The following DNER variants were observed in gnomAD, a reference collection of about 807,000 sequenced individuals.
The protein encoded by DNER is delta/notch like EGF repeat containing.
In DNER, 33 loss-of-function variants were observed where a neutral mutation model predicts 78.2. That is an observed-to-expected ratio of 0.42 (90% CI 0.32 to 0.56). The LOEUF is 0.56. DNER is among the 20% of genes least tolerant of loss of function. The pLI is 0.11. For synonymous variants in DNER, 417 were observed against 384.8 expected, an observed-to-expected ratio of 1.08 and a Z score of -0.98; for missense variants, 918 against 975.3, an observed-to-expected ratio of 0.94 and a Z score of 0.78.
intron 10 of DNER, among the ~76,000 whole-genome samples, chr2:229,402,143 AG>A (rs777902033): frequency 5.3e-5 from 8 of 151,786 alleles, no homozygotes; most frequent in Non-Finnish European, 1.0e-4. Context: ...AAACCATAAA[AG>A]AAAAAAAATT....
At chr2:229,449,114 T>A (rs1246798718) in intron 7 of DNER, among the ~76,000 whole-genome samples, 1 of 152,200 alleles carries the variant, frequency 6.6e-6, no homozygotes, top group African/African-American at 2.4e-5. Context: ...CTTTTAAATC[T>A]TAGAAATCCT....
At chr2:229,707,284 C>T (rs1699844569) in intron 1 of DNER, among the ~76,000 whole-genome samples, 1 of 150,612 alleles carries the variant, frequency 6.6e-6, no homozygotes, top group Admixed American at 6.7e-5. Context: ...ATCCATCTGC[C>T]TCAGTCTCCT....
chr2:229,524,350 T>C (rs566737110), intron 5 of DNER, among the ~76,000 whole-genome samples: 2 of 152,362 alleles, frequency 1.3e-5, no homozygotes, highest in South Asian at 2.1e-4. Context: ...TAAAAGGAGA[T>C]GTGCGTAACC....
chr2:229,519,105 T>C (rs998631449), intron 5 of DNER, among the ~76,000 whole-genome samples: 1 of 152,196 alleles, frequency 6.6e-6, no homozygotes, highest in Admixed American at 6.5e-5. Flanking sequence ...TCCCTGATTC[T>C]GACTTTTTTG....
chr2:229,698,700 C>G (rs903908438), intron 1 of DNER, among the ~76,000 whole-genome samples: 1 of 152,152 alleles, frequency 6.6e-6, no homozygotes, highest in Admixed American at 6.5e-5. Context: ...CACCCTCCCA[C>G]ATCCTACTCT....
At chr2:229,381,004 T>C (rs997509642) in intron 11 of DNER, among the ~76,000 whole-genome samples, 3 of 152,046 alleles carry the variant, frequency 2.0e-5, no homozygotes, top group African/African-American at 7.2e-5. Context: ...TAGGAACAGC[T>C]CTGGTGTGCA....
intron 5 of DNER, among the ~76,000 whole-genome samples, chr2:229,534,909 C>G (rs1167485663): frequency 6.6e-6 from 1 of 152,088 alleles, no homozygotes; most frequent in Non-Finnish European, 1.5e-5. Context: ...GATCTCAACT[C>G]ACTGCAACCT....
At chr2:229,418,420 T>C (rs1188711378) in intron 8 of DNER, among the ~76,000 whole-genome samples, 190 bp from the exon 9 acceptor site, 2 of 152,186 alleles carry the variant, frequency 1.3e-5, no homozygotes, top group African/African-American at 4.8e-5. Context: ...AGAAAGCGCC[T>C]GTTCTTATCA....
At chr2:229,651,101 G>C (rs1698808918) in intron 1 of DNER, among the ~76,000 whole-genome samples, 1 of 152,150 alleles carries the variant, frequency 6.6e-6, no homozygotes, top group African/African-American at 2.4e-5. Context: ...AGTGATGAGA[G>C]GACAAAGGCT....
At chr2:229,419,902 G>A (rs115134204) in intron 8 of DNER, among the ~76,000 whole-genome samples, 161 of 148,336 alleles carry the variant, frequency 1.1e-3, no homozygotes, top group African/African-American at 4.0e-3. Context: ...GGAGGCAGGG[G>A]GAGGGGTTGC....
chr2:229,601,548 A>C (rs1280738493), intron 1 of DNER, among the ~76,000 whole-genome samples: 3 of 152,172 alleles, frequency 2.0e-5, no homozygotes, highest in Non-Finnish European at 4.4e-5. Context: ...TCCAAGACTA[A>C]TTTGGTCAGT....
chr2:229,626,150 A>T (rs963090479), intron 1 of DNER, among the ~76,000 whole-genome samples: 12 of 151,968 alleles, frequency 7.9e-5, no homozygotes, highest in Non-Finnish European at 1.3e-4. Context: ...CGATCTCCCG[A>T]CCTCGTGATC....
intron 1 of DNER, among the ~76,000 whole-genome samples, chr2:229,622,581 C>G (rs1472885689): frequency 6.6e-6 from 1 of 152,164 alleles, no homozygotes; most frequent in Non-Finnish European, 1.5e-5. Context: ...ATCGTGTACC[C>G]CCAAAAGAAG....
chr2:229,505,177 A>AGTATGTGTGTGTGT (rs1695710714), intron 6 of DNER, among the ~76,000 whole-genome samples: 2 of 126,448 alleles, frequency 1.6e-5, no homozygotes, highest in African/African-American at 2.9e-5. Flanking sequence ...GTGTTGCTGC[A>AGTATGTGTGTGTGT]GTGTGTGTGT....
At chr2:229,499,886 G>A (rs1695579585) in intron 6 of DNER, among the ~76,000 whole-genome samples, 2 of 150,248 alleles carry the variant, frequency 1.3e-5, no homozygotes, top group South Asian at 2.1e-4. Context: ...GAAAACAAAT[G>A]AGCCAATTTT....
intron 6 of DNER, among the ~76,000 whole-genome samples, chr2:229,500,527 C>T (rs901896405): frequency 1.2e-4 from 18 of 152,300 alleles, no homozygotes; most frequent in African/African-American, 4.3e-4. Flanking sequence ...AATCTCCCTA[C>T]TGGATATATA....
At chr2:229,681,861 CACACAA>C (rs1361026280) in intron 1 of DNER, among the ~76,000 whole-genome samples, 6 of 151,494 alleles carry the variant, frequency 4.0e-5, no homozygotes, top group African/African-American at 7.3e-5. Flanking sequence ...CACACACACA[CACACAA>C]ATGTATCGTA....
chr2:229,518,348 G>A lies in DNER; in HGVS notation c.994-5412C>T, dbSNP rs370562889. 3.9e-5 allele frequency among the ~76,000 whole-genome samples: 6 copies of A among 152,238 alleles called. No homozygotes were observed. The East Asian group carries it at 7.7e-4, about 20-fold the overall frequency. On this transcript the variant is annotated intron_variant, in intron 5 of 12. Transcript: ENST00000341772. ...ATATTGTGAATACTAGAGATGTGGT[G>A]AAGGTCGAAAGGACACAGTCCCCAT...
chr2:229,409,367 G>A (rs979516379), intron 9 of DNER, among the ~76,000 whole-genome samples: 1 of 152,188 alleles, frequency 6.6e-6, no homozygotes, highest in Non-Finnish European at 1.5e-5. Flanking sequence ...AGAGGTGCCT[G>A]AAGCCTAGAA....
Sources: gnomAD v4.1 joint callset for allele counts (sites outside exome capture counted in the v4.1 genomes callset) on GRCh38, gnomAD v4.1.1 for gene constraint, MANE v1.5 for transcripts, NCBI Gene and HGNC (gene_info 2026-07-23, HGNC 2026-07-21) for gene names.